The following PCP4 variants were observed in gnomAD, a reference collection of about 807,000 sequenced individuals.
PCP4 encodes calmodulin regulator protein PCP4.
In PCP4, 8 loss-of-function variants were observed where a neutral mutation model predicts 10.0. The observed-to-expected ratio is 0.80, with a 90% CI of 0.47 to 1.45. The LOEUF is 1.45. Ranked by LOEUF, PCP4 falls within the 40% of genes most tolerant of loss-of-function variation. The probability of loss-of-function intolerance (pLI) is 0.00; values close to 1 mark genes in which losing one functional copy is unlikely to be tolerated. For synonymous variants in PCP4, 21 were observed against 23.0 expected, an observed-to-expected ratio of 0.91 and a Z score of 0.24; for missense variants, 54 against 74.4, an observed-to-expected ratio of 0.73 and a Z score of 1.01.
chr21:39,876,722 T>G (rs1601171005), intron 1 of PCP4, among the ~76,000 whole-genome samples: 1 of 152,210 alleles, frequency 6.6e-6, no homozygotes, highest in African/African-American at 2.4e-5. Context: ...TACACAAATA[T>G]AAATAGAAAT....
intron 2 of PCP4, among the ~76,000 whole-genome samples, chr21:39,928,025 G>A (rs2087633218): frequency 6.6e-6 from 1 of 152,046 alleles, no homozygotes; most frequent in Non-Finnish European, 1.5e-5. Flanking sequence ...CAGACTAGAG[G>A]CATTTATTAT....
At chr21:39,894,692 C>G (rs537228147) in intron 1 of PCP4, among the ~76,000 whole-genome samples, 1 of 152,176 alleles carries the variant, frequency 6.6e-6, no homozygotes, top group East Asian at 1.9e-4. Context: ...TTTATTGTGC[C>G]CTGTTTCTTG....
At chr21:39,876,339 G>T (rs1361967048) in intron 1 of PCP4, among the ~76,000 whole-genome samples, 1 of 151,972 alleles carries the variant, frequency 6.6e-6, no homozygotes. Flanking sequence ...ACTACTTTTG[G>T]TACCTCCTGT....
chr21:39,895,595 C>T (rs994360402), intron 1 of PCP4, among the ~76,000 whole-genome samples: 2 of 152,224 alleles, frequency 1.3e-5, no homozygotes, highest in Non-Finnish European at 2.9e-5. Context: ...TTCCCCACTT[C>T]GTGGGCTTGA....
intron 2 of PCP4, among the ~76,000 whole-genome samples, chr21:39,919,187 C>A (rs1299384807): frequency 6.6e-6 from 1 of 152,204 alleles, no homozygotes; most frequent in East Asian, 1.9e-4. Flanking sequence ...GAACCCCACT[C>A]CCTCTCTTTG....
At chr21:39,882,279 C>G (rs1455956217) in intron 1 of PCP4, among the ~76,000 whole-genome samples, 2 of 152,218 alleles carry the variant, frequency 1.3e-5, no homozygotes, top group Non-Finnish European at 2.9e-5. Flanking sequence ...ACGCTTGGCT[C>G]AACCGTGGCA....
At chr21:39,885,626 A>G (rs2087396831) in intron 1 of PCP4, among the ~76,000 whole-genome samples, 1 of 152,236 alleles carries the variant, frequency 6.6e-6, no homozygotes, top group African/African-American at 2.4e-5. Context: ...ATCCCCCTGC[A>G]GAGGGCACAC....
chr21:39,880,112 ATATCTATATCTATATCTG>A (rs1322652595), intron 1 of PCP4, among the ~76,000 whole-genome samples: 2 of 147,046 alleles, frequency 1.4e-5, no homozygotes, highest in African/African-American at 2.6e-5. Flanking sequence ...ATATCTATCT[ATATCTATATCTATATCTG>A]TATCTATATC....
At chr21:39,876,102 A>G (rs2087344277) in intron 1 of PCP4, among the ~76,000 whole-genome samples, 1 of 149,936 alleles carries the variant, frequency 6.7e-6, no homozygotes, top group Non-Finnish European at 1.5e-5. Flanking sequence ...ATTTAATTGA[A>G]ATATATATTA....
intron 1 of PCP4, among the ~76,000 whole-genome samples, chr21:39,897,714 A>T (rs2146337132): frequency 6.6e-6 from 1 of 152,298 alleles, no homozygotes; most frequent in African/African-American, 2.4e-5. Context: ...AAGTAGGAGG[A>T]AACATAAGAG....
intron 1 of PCP4, among the ~76,000 whole-genome samples, chr21:39,874,045 C>A (rs1481748737): frequency 6.6e-6 from 1 of 152,144 alleles, no homozygotes; most frequent in East Asian, 1.9e-4. Flanking sequence ...TCTTAACCTG[C>A]CATTTTATAA....
intron 2 of PCP4, among the ~76,000 whole-genome samples, chr21:39,910,481 A>T (rs1375780368): frequency 6.6e-6 from 1 of 152,188 alleles, no homozygotes; most frequent in Non-Finnish European, 1.5e-5. Flanking sequence ...TCCATTAAAA[A>T]AAAAAGTGTT....
At chr21:39,889,620 G>A (rs991126436) in intron 1 of PCP4, among the ~76,000 whole-genome samples, 5 of 151,700 alleles carry the variant, frequency 3.3e-5, no homozygotes, top group African/African-American at 4.8e-5. Flanking sequence ...GTTTCACTGT[G>A]TTAGCCAGGA....
Position 39,867,445 on chromosome 21 carries a change from C to T in PCP4, c.-57C>T. On this transcript the variant is annotated 5_prime_UTR_variant, in exon 1 of 3. Transcript: ENST00000328619. ...AGCCAGAACCGGTGGAGCAGCGACC[C>T]CTGAGCAGTGTTCTCTGTGCTGAGC... 1 of 1,608,208 alleles carries T rather than the reference C, an allele frequency of 6.2e-7. No homozygotes were observed. The highest frequency in any genetic ancestry group is 8.5e-7 in the Non-Finnish European group (1 of 1,174,712).
chr21:39,892,457 CTT>C (rs1283628241), intron 1 of PCP4, among the ~76,000 whole-genome samples: 4 of 151,870 alleles, frequency 2.6e-5, no homozygotes, highest in African/African-American at 9.7e-5. Context: ...CGGTGGATAA[CTT>C]TTTAGTCTTC....
chr21:39,914,953 C>T (rs910971287), intron 2 of PCP4, among the ~76,000 whole-genome samples: 4 of 152,028 alleles, frequency 2.6e-5, no homozygotes, highest in African/African-American at 9.7e-5. Flanking sequence ...CCAATTATTC[C>T]AAAGCTGTGA....
Position 39,910,116 on chromosome 21 carries a change from C to T in PCP4, c.61+11589C>T, listed in dbSNP as rs2299780. ...CTCTCTACTATTCTACCATCCCAGA[C>T]CCTGAAAACAATTGGAAATCGAATC... On this transcript the variant is annotated intron_variant, in intron 2 of 2. Coordinates refer to ENST00000328619, the MANE Select transcript of PCP4 (RefSeq NM_006198.3). Among the ~76,000 whole-genome samples the T allele has an allele frequency of 2.6e-5, 4 of 152,268 alleles. No homozygotes were observed. The East Asian group carries it at 5.8e-4, about 22-fold the overall frequency.
intron 2 of PCP4, among the ~76,000 whole-genome samples, chr21:39,925,301 C>T (rs2087615219): frequency 6.6e-6 from 1 of 152,164 alleles, no homozygotes; most frequent in Non-Finnish European, 1.5e-5. Flanking sequence ...GGACTCGCCT[C>T]ACAGACTGAA....
At chr21:39,874,981 G>A (rs539717326) in intron 1 of PCP4, among the ~76,000 whole-genome samples, 4 of 152,274 alleles carry the variant, frequency 2.6e-5, no homozygotes, top group South Asian at 4.1e-4. Context: ...GTTTCATAAC[G>A]CTACTCAGTA....
Sources: gnomAD v4.1 joint callset for allele counts (sites outside exome capture counted in the v4.1 genomes callset) on GRCh38, gnomAD v4.1.1 for gene constraint, MANE v1.5 for transcripts, NCBI Gene and HGNC (gene_info 2026-07-23, HGNC 2026-07-21) for gene names.